Variants in CDYL2 observed in about 807,000 individuals in gnomAD.
CDYL2 encodes chromodomain Y-like protein 2.
Under a neutral mutation model 49.4 loss-of-function variants are expected in CDYL2, and 23 were observed. The ratio of observed to expected loss-of-function variants is 0.47; its 90% CI spans 0.34 to 0.66. The LOEUF (loss-of-function observed/expected upper bound fraction) is 0.66. CDYL2 is among the 30% of genes least tolerant of loss of function. The pLI is 0.01. For missense variants in CDYL2, 678 were observed against 656.4 expected, an observed-to-expected ratio of 1.03 and a Z score of -0.36; for synonymous variants, 360 against 268.8, an observed-to-expected ratio of 1.34 and a Z score of -3.32.
At chr16:80,751,852 G>C (rs1409433897) in intron 1 of CDYL2, among the ~76,000 whole-genome samples, 1 of 152,158 alleles carries the variant, frequency 6.6e-6, no homozygotes, top group African/African-American at 2.4e-5. Flanking sequence ...GTCTCTGATT[G>C]AACTGAAAGT....
At chr16:80,607,335 G>C (rs116081950) in intron 6 of CDYL2, among the ~76,000 whole-genome samples, 3,190 of 152,170 alleles carry the variant, frequency 0.021, 109 homozygotes, top group African/African-American at 0.072. Context: ...CATGACAGCC[G>C]GGTGTGAACA....
chr16:80,725,396 C>A (rs542910130), intron 1 of CDYL2, among the ~76,000 whole-genome samples: 4 of 152,280 alleles, frequency 2.6e-5, no homozygotes, highest in South Asian at 2.1e-4. Context: ...TTGTGGGATT[C>A]ATGGTGACGA....
intron 1 of CDYL2, among the ~76,000 whole-genome samples, chr16:80,712,215 A>ATATATATATG (rs763194077): frequency 3.3e-4 from 42 of 128,368 alleles, no homozygotes; most frequent in African/African-American, 1.0e-3. Flanking sequence ...ATATATATAT[A>ATATATATATG]TCTCCAAACC....
chr16:80,768,274 G>A (rs924770508), intron 1 of CDYL2, among the ~76,000 whole-genome samples: 2 of 152,052 alleles, frequency 1.3e-5, no homozygotes, highest in Non-Finnish European at 2.9e-5. Context: ...CCTATTCACT[G>A]GCCATCAGAC....
At chr16:80,768,217 T>C (rs140580376) in intron 1 of CDYL2, among the ~76,000 whole-genome samples, 1 of 152,302 alleles carries the variant, frequency 6.6e-6, no homozygotes, top group East Asian at 1.9e-4. Context: ...CTAGAGATCC[T>C]GACAATATCC....
chr16:80,787,464 C>G (rs1183253624), intron 1 of CDYL2, among the ~76,000 whole-genome samples: 3 of 152,182 alleles, frequency 2.0e-5, no homozygotes, highest in Non-Finnish European at 2.9e-5. Context: ...GATACATACA[C>G]TGGGTGAGAA....
chr16:80,709,251 G>A (rs199955331), intron 1 of CDYL2, among the ~76,000 whole-genome samples: 2 of 151,974 alleles, frequency 1.3e-5, no homozygotes, highest in Non-Finnish European at 1.5e-5. Flanking sequence ...GTGTGGTGGC[G>A]TGCACCTGTA....
intron 1 of CDYL2, among the ~76,000 whole-genome samples, chr16:80,786,850 CA>C (rs1907452502): frequency 6.6e-6 from 1 of 151,412 alleles, no homozygotes; most frequent in South Asian, 2.1e-4. Context: ...TGTTCTCACT[CA>C]GAAGTGGGAG....
chr16:80,729,267 A>C (rs1308918724), intron 1 of CDYL2, among the ~76,000 whole-genome samples: 2 of 151,964 alleles, frequency 1.3e-5, no homozygotes, highest in Non-Finnish European at 2.9e-5. Context: ...TCTACCAAGC[A>C]AATGGAAAAC....
chr16:80,622,237 G>A (rs1343108097), intron 3 of CDYL2, among the ~76,000 whole-genome samples: 1 of 152,158 alleles, frequency 6.6e-6, no homozygotes, highest in Non-Finnish European at 1.5e-5. Context: ...GGGGCAGCTA[G>A]GAGAGCCCAG....
chr16:80,621,648 T>C (rs1907089703), intron 3 of CDYL2, among the ~76,000 whole-genome samples: 1 of 152,228 alleles, frequency 6.6e-6, no homozygotes, highest in African/African-American at 2.4e-5. Flanking sequence ...TTCACATTCC[T>C]GGGAGGTAGT....
chr16:80,771,767 T>C (rs1009454501), intron 1 of CDYL2, among the ~76,000 whole-genome samples: 1 of 151,882 alleles, frequency 6.6e-6, no homozygotes, highest in Admixed American at 6.6e-5. Flanking sequence ...GCAGAGCAGA[T>C]TTCTAGAAGT....
chr16:80,713,888 C>A lies in CDYL2; in HGVS notation c.25-28759G>T, dbSNP rs28670884. Among the ~76,000 whole-genome samples, 642 of 152,188 alleles carry A rather than the reference C, an allele frequency of 4.2e-3. 5 individuals carry two copies. The highest frequency in any genetic ancestry group is 0.015 in the African/African-American group (618 of 41,508). On this transcript the variant is annotated intron_variant, in intron 1 of 6. Transcript: ENST00000570137. The stretch of plus-strand genomic sequence containing the variant: ...AGAGACTACATGCAGGTGTGCCAAC[C>A]GACAACATAGCTCAGGCCCCAGTCA...
intron 2 of CDYL2, among the ~76,000 whole-genome samples, chr16:80,637,815 T>C (rs928389803): frequency 2.0e-5 from 3 of 152,238 alleles, no homozygotes; most frequent in African/African-American, 7.2e-5. Context: ...TCAATTACCC[T>C]GATTACCCTG....
At chr16:80,797,704 T>G (rs1288303409) in intron 1 of CDYL2, among the ~76,000 whole-genome samples, 1 of 152,236 alleles carries the variant, frequency 6.6e-6, no homozygotes, top group African/African-American at 2.4e-5. Flanking sequence ...TTCCATTATA[T>G]GCCACCAAAC....
At chr16:80,733,993 G>A (rs1905425231) in intron 1 of CDYL2, among the ~76,000 whole-genome samples, 1 of 152,148 alleles carries the variant, frequency 6.6e-6, no homozygotes, top group Non-Finnish European at 1.5e-5. Flanking sequence ...TTCTGAATGG[G>A]AAACTGGCTT....
At chr16:80,754,234 T>G (rs1906232531) in intron 1 of CDYL2, among the ~76,000 whole-genome samples, 1 of 151,984 alleles carries the variant, frequency 6.6e-6, no homozygotes, top group Non-Finnish European at 1.5e-5. Context: ...CAGTGACACA[T>G]CAGCAAAGGA....
At chr16:80,704,533 G>C (rs1411736614) in intron 1 of CDYL2, among the ~76,000 whole-genome samples, 2 of 152,220 alleles carry the variant, frequency 1.3e-5, no homozygotes, top group African/African-American at 4.8e-5. Context: ...AGCAAACTGA[G>C]ATAAGTGCTC....
chr16:80,673,147 A>C (rs1242272770), intron 2 of CDYL2, among the ~76,000 whole-genome samples: 2 of 151,516 alleles, frequency 1.3e-5, no homozygotes, highest in Non-Finnish European at 2.9e-5. Context: ...GTGAAACCCC[A>C]TTTCTACTAA....
Sources: gnomAD v4.1 joint callset for allele counts (sites outside exome capture counted in the v4.1 genomes callset) on GRCh38, gnomAD v4.1.1 for gene constraint, MANE v1.5 for transcripts, NCBI Gene and HGNC (gene_info 2026-07-23, HGNC 2026-07-21) for gene names.